The following GPC5 variants were observed in gnomAD, a reference collection of about 807,000 sequenced individuals.
GPC5 encodes glypican 5.
Under a neutral mutation model 53.9 loss-of-function variants are expected in GPC5, and 47 were observed. The observed-to-expected ratio is 0.87, with a 90% CI of 0.69 to 1.11. The LOEUF (loss-of-function observed/expected upper bound fraction) is 1.11. GPC5 is among the 50% of genes most tolerant of loss of function. GPC5 has a pLI of 0.00. For synonymous variants in GPC5, 286 were observed against 263.3 expected, an observed-to-expected ratio of 1.09 and a Z score of -0.84; for missense variants, 748 against 713.1, an observed-to-expected ratio of 1.05 and a Z score of -0.56.
chr13:92,661,150 C>T (rs1886326475), intron 7 of GPC5, among the ~76,000 whole-genome samples: 1 of 151,820 alleles, frequency 6.6e-6, no homozygotes, highest in South Asian at 2.1e-4. Context: ...TAATAATTAG[C>T]TGGGTGTGGT....
intron 6 of GPC5, among the ~76,000 whole-genome samples, chr13:92,102,891 G>A (rs1366075985): frequency 3.3e-5 from 5 of 152,154 alleles, no homozygotes; most frequent in African/African-American, 1.2e-4. Flanking sequence ...GGGAGAAGCA[G>A]GATCTCTGTC....
At chr13:91,889,079 A>G (rs2039357360) in intron 5 of GPC5, among the ~76,000 whole-genome samples, 2 of 152,214 alleles carry the variant, frequency 1.3e-5, no homozygotes. Flanking sequence ...CTGTGTGCCC[A>G]GGCCAGACAG....
chr13:91,515,399 CT>C (rs1885445058), intron 2 of GPC5, among the ~76,000 whole-genome samples: 1 of 152,264 alleles, frequency 6.6e-6, no homozygotes, highest in South Asian at 2.1e-4. Flanking sequence ...TAATAAGCCT[CT>C]ACTTTGTGCC....
chr13:92,759,527 T>C (rs1006822425), intron 7 of GPC5, among the ~76,000 whole-genome samples: 1 of 152,090 alleles, frequency 6.6e-6, no homozygotes, highest in African/African-American at 2.4e-5. Flanking sequence ...TCATTGTTTG[T>C]CTATACAAAT....
chr13:91,822,128 A>T (rs1175242943), intron 5 of GPC5, among the ~76,000 whole-genome samples: 1 of 152,176 alleles, frequency 6.6e-6, no homozygotes, highest in East Asian at 1.9e-4. Flanking sequence ...TTCTCAAACC[A>T]CAAGTGAAGA....
chr13:91,640,298 T>C (rs1367442043), intron 2 of GPC5, among the ~76,000 whole-genome samples: 1 of 151,912 alleles, frequency 6.6e-6, no homozygotes, highest in East Asian at 1.9e-4. Flanking sequence ...ACAAGAAAAA[T>C]TACCCATTAA....
intron 6 of GPC5, among the ~76,000 whole-genome samples, chr13:92,036,538 A>G (rs1286788974): frequency 2.0e-5 from 3 of 152,212 alleles, no homozygotes; most frequent in Non-Finnish European, 4.4e-5. Context: ...AAGGCATGAT[A>G]AGAAAATTAA....
intron 7 of GPC5, among the ~76,000 whole-genome samples, chr13:92,838,810 A>G (rs535678347): frequency 1.3e-5 from 2 of 152,360 alleles, no homozygotes; most frequent in East Asian, 1.9e-4. Context: ...AAAATAAAGT[A>G]TCTACAAATA....
chr13:92,646,776 A>T (rs1885783024), intron 7 of GPC5, among the ~76,000 whole-genome samples: 1 of 150,276 alleles, frequency 6.7e-6, no homozygotes, highest in Middle Eastern at 3.6e-3. Context: ...AATGTTTTTG[A>T]TGTATTGCAA....
intron 7 of GPC5, among the ~76,000 whole-genome samples, chr13:92,573,407 G>A (rs1214743944): frequency 6.6e-6 from 1 of 152,126 alleles, no homozygotes; most frequent in Non-Finnish European, 1.5e-5. Context: ...AACATTTATT[G>A]CCTCATTGTA....
intron 5 of GPC5, among the ~76,000 whole-genome samples, chr13:91,894,963 C>T (rs2039425293): frequency 6.6e-6 from 1 of 151,394 alleles, no homozygotes; most frequent in South Asian, 2.1e-4. Context: ...AAGCAATTGC[C>T]AGGAAAGATA....
intron 6 of GPC5, among the ~76,000 whole-genome samples, chr13:91,920,858 G>T (rs1294798466): frequency 7.1e-6 from 1 of 140,132 alleles, no homozygotes; most frequent in African/African-American, 2.6e-5. Context: ...AGATTCAATA[G>T]ATTTCAGGGG....
intron 2 of GPC5, among the ~76,000 whole-genome samples, chr13:91,600,450 C>A (rs929552552): frequency 6.6e-6 from 1 of 151,416 alleles, no homozygotes; most frequent in Non-Finnish European, 1.5e-5. Flanking sequence ...CCACTGCACT[C>A]CAGCCTGGGC....
intron 7 of GPC5, among the ~76,000 whole-genome samples, chr13:92,381,046 T>C (rs1926615): frequency 0.54 from 81,389 of 152,040 alleles, 21,986 homozygotes; most frequent in East Asian, 0.6. Context: ...CTTGTTTAAA[T>C]AGTAAGCTGT....
intron 7 of GPC5, among the ~76,000 whole-genome samples, chr13:92,522,606 TG>T: frequency 6.6e-6 from 1 of 151,678 alleles, no homozygotes; most frequent in East Asian, 1.9e-4. Flanking sequence ...CATCACACAC[TG>T]GGGCCTGTTG....
At chr13:91,622,938 G>A (rs1259065373) in intron 2 of GPC5, among the ~76,000 whole-genome samples, 2 of 152,104 alleles carry the variant, frequency 1.3e-5, no homozygotes, top group African/African-American at 4.8e-5. Context: ...TTCATAGGCT[G>A]AGGAATACAT....
At chr13:92,101,215 T>G (rs932654408) in intron 6 of GPC5, among the ~76,000 whole-genome samples, 3 of 152,350 alleles carry the variant, frequency 2.0e-5, no homozygotes, top group African/African-American at 7.2e-5. Flanking sequence ...TTTTTCTTTT[T>G]TTTTCCATGT....
chr13:92,814,458 C>G (rs1452252144), intron 7 of GPC5, among the ~76,000 whole-genome samples: 2 of 151,646 alleles, frequency 1.3e-5, no homozygotes, highest in East Asian at 1.9e-4. Context: ...GTCAGGAGTT[C>G]GAGACCAGCC....
intron 7 of GPC5, among the ~76,000 whole-genome samples, chr13:92,305,953 G>A: frequency 6.6e-6 from 1 of 152,158 alleles, no homozygotes; most frequent in East Asian, 1.9e-4. Flanking sequence ...AAGTAAAGAA[G>A]AATTCTTTAA....
Sources: allele counts gnomAD v4.1 joint callset (sites outside exome capture counted in the v4.1 genomes callset), GRCh38; gene constraint gnomAD v4.1.1; transcripts MANE v1.5; gene names NCBI Gene and HGNC (gene_info 2026-07-23, HGNC 2026-07-21).